DGKI: variants seen among roughly 807,000 people sequenced by gnomAD.
DGKI encodes diacylglycerol kinase iota.
In DGKI, 55 loss-of-function variants were observed where a neutral mutation model predicts 147.5. The observed-to-expected ratio is 0.37, with a 90% confidence interval of 0.30 to 0.47. The LOEUF (loss-of-function observed/expected upper bound fraction) is 0.47, where lower values mean the gene tolerates loss of function less well. Ranked by LOEUF, DGKI falls within the 20% of genes least tolerant of loss-of-function variation. The probability of loss-of-function intolerance (pLI) is 1.00; values close to 1 mark genes in which losing one functional copy is unlikely to be tolerated. For synonymous variants in DGKI, 469 were observed against 477.1 expected (o/e 0.98, Z 0.22); for missense variants, 1,007 against 1,323.8 (o/e 0.76, Z 3.71).
intron 13 of DGKI, among the ~76,000 whole-genome samples, chr7:137,586,487 A>T (rs1242680584): frequency 1.3e-5 from 2 of 152,070 alleles, no homozygotes; most frequent in African/African-American, 4.8e-5. Context: ...ATATATACAC[A>T]GTGTGTGTAT....
At chr7:137,638,666 A>C (rs1265294066) in intron 6 of DGKI, among the ~76,000 whole-genome samples, 5 of 127,148 alleles carry the variant, frequency 3.9e-5, no homozygotes, top group Non-Finnish European at 7.7e-5. Flanking sequence ...ACACATATGT[A>C]TATATACACA....
At chr7:137,473,457 C>A (rs1386679031) in intron 23 of DGKI, among the ~76,000 whole-genome samples, 1 of 152,014 alleles carries the variant, frequency 6.6e-6, no homozygotes, top group Non-Finnish European at 1.5e-5. Flanking sequence ...GACAGAAAAA[C>A]CACTGCTTTC....
rs562412982 is a variant in DGKI, at chr7:137,410,666, T to C, written c.2799+1504A>G. Among the ~76,000 whole-genome samples the C allele has an allele frequency of 3.3e-5, 5 of 152,370 alleles. No homozygotes were observed. In the South Asian group the frequency reaches 1.0e-3, roughly 32 times the overall value. ...TCAGGATCTTGGGAAATCAGTTGCC[T>C]GAACTAAAAGCATATAGAAAATAAA... On this transcript the variant is annotated intron_variant, in intron 29 of 32. Transcript: ENST00000614521.
chr7:137,391,186 G>T lies in DGKI; in HGVS notation c.*34C>A, dbSNP rs374338666. 1 of 1,522,654 alleles carries T rather than the reference G, an allele frequency of 6.6e-7. No homozygotes were observed. The highest frequency in any genetic ancestry group is 9.1e-7 in the Non-Finnish European group (1 of 1,097,492). 94.3% of individuals were successfully genotyped at this position (1,522,654 alleles called of 1,614,324 possible). A position where few individuals can be genotyped will look rare whatever the true frequency, so the allele number is the denominator to read the frequency against. ...ATTGCAGGGAGGGCAGATGTGATAC[G>T]CTTGCTCATGTCCTCTTTGCCCGAA... On this transcript the variant is annotated 3_prime_UTR_variant, in exon 33 of 33. Transcript: ENST00000614521.
At chr7:137,515,881 T>C (rs1816728785) in intron 21 of DGKI, among the ~76,000 whole-genome samples, 2 of 151,884 alleles carry the variant, frequency 1.3e-5, no homozygotes, top group South Asian at 2.1e-4. Flanking sequence ...AGACAAGAGA[T>C]GGGAAAAGAC....
At chr7:137,413,284 A>C (rs948314687) in intron 28 of DGKI, among the ~76,000 whole-genome samples, 2 of 151,984 alleles carry the variant, frequency 1.3e-5, no homozygotes, top group African/African-American at 4.8e-5. Context: ...AAAAAAAAAA[A>C]AAATTCATTT....
chr7:137,843,469 T>C, intron 1 of DGKI: 2 of 982,882 alleles, frequency 2.0e-6, no homozygotes, highest in Non-Finnish European at 2.4e-6. Flanking sequence ...GATTCTGAAA[T>C]AAAGGAAAAA....
At chr7:137,629,790 T>G (rs1821067357) in intron 6 of DGKI, among the ~76,000 whole-genome samples, 1 of 152,194 alleles carries the variant, frequency 6.6e-6, no homozygotes, top group African/African-American at 2.4e-5. Flanking sequence ...TCTGCTGATA[T>G]GTGTACCCTT....
intron 15 of DGKI, among the ~76,000 whole-genome samples, chr7:137,580,292 A>T (rs770332715): frequency 6.6e-6 from 1 of 152,126 alleles, no homozygotes; most frequent in East Asian, 1.9e-4. Flanking sequence ...GTAAGAAATG[A>T]AGAATAAAAT....
Position 137,485,558 on chromosome 7 carries a change from G to C in DGKI, c.2329-140C>G, listed in dbSNP as rs535512480. On this transcript the variant is annotated intron_variant, in intron 22 of 32. Coordinates refer to ENST00000614521, the MANE Select transcript of DGKI (RefSeq NM_001321708.2). ...TATCGAACACACCCAAATTCATAAA[G>C]GTTAAATAAAGAAGGTAATGCCAGA... The C allele has an allele frequency of 3.1e-4, 206 of 665,402 alleles. 1 individual carries two copies. The African/African-American group carries it at 3.3e-3, about 11-fold the overall frequency. 41.2% of individuals were successfully genotyped at this position (665,402 alleles called of 1,614,324 possible).
At chr7:137,574,669 T>C (rs1818910190) in intron 17 of DGKI, among the ~76,000 whole-genome samples, 1 of 152,186 alleles carries the variant, frequency 6.6e-6, no homozygotes, top group East Asian at 1.9e-4. Context: ...GCAATTCCTT[T>C]AGAATAGCAG....
chr7:137,678,919 T>C (rs371695503), intron 2 of DGKI, among the ~76,000 whole-genome samples: 36 of 152,182 alleles, frequency 2.4e-4, no homozygotes, highest in African/African-American at 8.7e-4. Context: ...TTGAAACATA[T>C]TCAACAAATG....
At chr7:137,498,705 A>G (rs946461216) in intron 21 of DGKI, among the ~76,000 whole-genome samples, 2 of 152,180 alleles carry the variant, frequency 1.3e-5, no homozygotes, top group African/African-American at 4.8e-5. Flanking sequence ...TGAAGGACCC[A>G]TGATCTGTCA....
At chr7:137,612,492 T>C (rs765656393) in intron 8 of DGKI, among the ~76,000 whole-genome samples, 1 of 152,224 alleles carries the variant, frequency 6.6e-6, no homozygotes, top group Non-Finnish European at 1.5e-5. Context: ...TTTGTATAAA[T>C]ACATATCTCT....
intron 1 of DGKI, among the ~76,000 whole-genome samples, chr7:137,693,999 G>A (rs1823697364): frequency 6.6e-6 from 1 of 152,168 alleles, no homozygotes; most frequent in African/African-American, 2.4e-5. Context: ...GAAACATGTG[G>A]CATATACTCT....
intron 19 of DGKI, among the ~76,000 whole-genome samples, chr7:137,568,109 A>G (rs1193957203): frequency 6.6e-6 from 1 of 152,184 alleles, no homozygotes; most frequent in African/African-American, 2.4e-5. Context: ...AGAATGCTGA[A>G]TAAAGTAAAT....
chr7:137,819,540 G>C (rs1563212518), intron 1 of DGKI, among the ~76,000 whole-genome samples: 1 of 152,190 alleles, frequency 6.6e-6, no homozygotes, highest in Non-Finnish European at 1.5e-5. Context: ...TTGATCTCCT[G>C]ACCTTGTGAT....
chr7:137,653,129 T>C (rs1457451265), intron 5 of DGKI, among the ~76,000 whole-genome samples: 1 of 150,258 alleles, frequency 6.7e-6, no homozygotes, highest in Non-Finnish European at 1.5e-5. Flanking sequence ...TATGTGTGTT[T>C]GTGTGTGTGT....
intron 28 of DGKI, 147 bp from the exon 29 acceptor site, chr7:137,412,354 C>T (rs1029497025): frequency 6.7e-6 from 5 of 744,464 alleles, no homozygotes; most frequent in Admixed American, 2.1e-5. Flanking sequence ...CAGACCGAGG[C>T]CCCCTCTTTA....
Sources: allele counts gnomAD v4.1 joint callset (sites outside exome capture counted in the v4.1 genomes callset), GRCh38; gene constraint gnomAD v4.1.1; transcripts MANE v1.5; gene names NCBI Gene and HGNC (gene_info 2026-07-23, HGNC 2026-07-21).